The following MYO1H variants were observed in gnomAD, a reference collection of about 807,000 sequenced individuals.
The protein encoded by MYO1H is myosin IH.
MYO1H carries 118 observed loss-of-function variants against 149.3 expected under a neutral mutation model. That is an observed-to-expected ratio of 0.79 (90% CI 0.68 to 0.92). MYO1H has a LOEUF of 0.92. MYO1H is among the 40% of genes least tolerant of loss of function. The pLI, the probability that MYO1H is intolerant of heterozygous loss-of-function variation, is 0.00. For synonymous variants in MYO1H, 447 were observed against 465.2 expected (o/e 0.96, Z 0.50); for missense variants, 1,212 against 1,280.7 (o/e 0.95, Z 0.82).
intron 1 of MYO1H, among the ~76,000 whole-genome samples, chr12:109,381,378 A>C (rs894996087): frequency 1.3e-5 from 2 of 152,182 alleles, no homozygotes; most frequent in African/African-American, 2.4e-5. Context: ...GCACTACCGC[A>C]GTCCAGGCTG....
the MYO1H span, among the ~76,000 whole-genome samples, chr12:109,310,752 A>C: frequency 6.6e-6 from 1 of 152,272 alleles, no homozygotes; most frequent in East Asian, 1.9e-4. Flanking sequence ...GTTTTCTGGT[A>C]GCACCTGGAC....
At chr12:109,393,432 A>C in exon 3 of MYO1H, 1 of 1,578,706 alleles carries the variant, frequency 6.3e-7, no homozygotes. Context: ...ATTTCTTTGA[A>C]CTGCCACCAC....
At chr12:109,440,811 C>T in exon 25 of MYO1H, 2 of 1,561,522 alleles carry the variant, frequency 1.3e-6, no homozygotes, top group African/African-American at 2.7e-5. Flanking sequence ...GGGATCACAG[C>T]TGAGCGGAAA....
At chr12:109,356,295 C>T (rs981165135) in intron 1 of MYO1H, among the ~76,000 whole-genome samples, 6 of 152,188 alleles carry the variant, frequency 3.9e-5, no homozygotes, top group African/African-American at 1.4e-4. Flanking sequence ...GCAAGGCTCC[C>T]AGACCATGAA....
chr12:109,348,353 G>A (rs531013959), intron 1 of MYO1H, among the ~76,000 whole-genome samples: 24 of 152,196 alleles, frequency 1.6e-4, no homozygotes, highest in African/African-American at 5.8e-4. Flanking sequence ...GAACTGAATT[G>A]TAAATTTGAC....
chr12:109,424,889 C>A, intron 17 of MYO1H, 61 bp downstream of exon 17: 1 of 1,313,628 alleles, frequency 7.6e-7, no homozygotes, highest in Non-Finnish European at 1.1e-6. Context: ...TGACCACCAA[C>A]TACCTACGCT....
chr12:109,447,109 C>T (rs374028537), intron 31 of MYO1H, 50 bp from the exon 32 acceptor site: 144 of 1,561,620 alleles, frequency 9.2e-5, no homozygotes, highest in Admixed American at 3.2e-4. Flanking sequence ...TTTCCTTTTG[C>T]GCAAAGGGAG....
chr12:109,388,627 G>T, intron 1 of MYO1H, 56 bp from the exon 2 acceptor site: 1 of 1,429,552 alleles, frequency 7.0e-7, no homozygotes, highest in East Asian at 2.3e-5. Flanking sequence ...TGCATTAGAC[G>T]TGTAATAGAT....
intron 27 of MYO1H, among the ~76,000 whole-genome samples, 160 bp from the exon 28 acceptor site, chr12:109,443,354 A>ATGTG (rs1337145788): frequency 6.7e-5 from 5 of 74,344 alleles, no homozygotes; most frequent in South Asian, 3.7e-4. Context: ...ATGTGTGTAT[A>ATGTG]TACACACACA....
intron 1 of MYO1H, among the ~76,000 whole-genome samples, chr12:109,383,128 C>T (rs182899857): frequency 2.6e-5 from 4 of 152,080 alleles, no homozygotes; most frequent in Non-Finnish European, 4.4e-5. Context: ...ACTCTCACCC[C>T]CTACTTCAAT....
intron 4 of MYO1H, among the ~76,000 whole-genome samples, chr12:109,397,073 C>T (rs185614211): frequency 6.6e-5 from 10 of 152,006 alleles, no homozygotes; most frequent in Admixed American, 4.6e-4. Context: ...GGTGACCTTC[C>T]CTGCATCAGC....
In MYO1H at chr12:109,410,743, G is replaced by T. The variant is rs750637618; in HGVS notation, c.1385G>T (p.Arg462Ile). 5.6e-6 allele frequency: 9 copies of T among 1,597,832 alleles called. No homozygotes were observed. The Admixed American group carries it at 1.5e-4, about 27-fold the overall frequency. ...ATCATCTGTGATTTGGTAGAAGAGA[G>T]ACATAAAGGAATCATATCTATTCTG... Residue 462 changes from arginine (R) to isoleucine (I), a missense_variant, in exon 13 of 32, where the codon AGA (arginine) becomes ATA (isoleucine). By Grantham distance (97) the Arg-to-Ile change is moderately conservative. Coordinates refer to ENST00000310903, the Ensembl canonical transcript of MYO1H.
At chr12:109,393,475 G>A in intron 3 of MYO1H, 29 bp downstream of exon 3, 1 of 1,468,196 alleles carries the variant, frequency 6.8e-7, no homozygotes, top group Non-Finnish European at 9.4e-7. Context: ...ATCATCACTA[G>A]GAGGATTTTT....
At chr12:109,369,882 G>C (rs1017993762) in intron 1 of MYO1H, among the ~76,000 whole-genome samples, 1 of 152,128 alleles carries the variant, frequency 6.6e-6, no homozygotes, top group South Asian at 2.1e-4. Flanking sequence ...GAGGTTTAAC[G>C]GACTCACAGT....
upstream of MYO1H, among the ~76,000 whole-genome samples, chr12:109,344,899 G>A (rs193295242): frequency 5.9e-5 from 9 of 152,278 alleles, no homozygotes; most frequent in African/African-American, 1.7e-4. Context: ...TTCAACAAAT[G>A]ATGCTGGAGC....
At chr12:109,417,519 G>A (rs1156539863) in intron 15 of MYO1H, among the ~76,000 whole-genome samples, 2 of 151,958 alleles carry the variant, frequency 1.3e-5, no homozygotes, top group Non-Finnish European at 1.5e-5. Context: ...AGTAGAGACG[G>A]GGTTTCACCG....
chr12:109,328,430 A>G, the MYO1H span, among the ~76,000 whole-genome samples: 1 of 152,070 alleles, frequency 6.6e-6, no homozygotes, highest in Non-Finnish European at 1.5e-5. Flanking sequence ...TCCTGGGCTC[A>G]AGCGGTCCTC....
chr12:109,344,944 C>G (rs1453928181), upstream of MYO1H, among the ~76,000 whole-genome samples: 3 of 152,172 alleles, frequency 2.0e-5, no homozygotes, highest in Non-Finnish European at 2.9e-5. Context: ...AGTTAGATGT[C>G]TCCTTCACAT....
At chr12:109,384,886 A>G (rs1271917396) in intron 1 of MYO1H, among the ~76,000 whole-genome samples, 1 of 152,190 alleles carries the variant, frequency 6.6e-6, no homozygotes, top group African/African-American at 2.4e-5. Context: ...AGCTCCAGAC[A>G]TTATTTCAGA....
Sources: allele counts gnomAD v4.1 joint callset (sites outside exome capture counted in the v4.1 genomes callset), GRCh38; gene constraint gnomAD v4.1.1; transcripts MANE v1.5; gene names NCBI Gene and HGNC (gene_info 2026-07-23, HGNC 2026-07-21).